Variants in POLRMT observed in about 807,000 individuals in gnomAD.
The protein encoded by POLRMT is RNA polymerase mitochondrial.
A neutral mutation model predicts 132.2 loss-of-function variants in POLRMT; 114 were observed. That is an observed-to-expected ratio of 0.86 (90% confidence interval 0.74 to 1.01). The LOEUF is 1.01. POLRMT is among the 50% of genes least tolerant of loss of function. The pLI is 0.00. For synonymous variants in POLRMT, 1,020 were observed against 773.4 expected (o/e 1.32, Z -5.29); for missense variants, 2,003 against 1,729.1 (o/e 1.16, Z -2.81).
chr19:618,072 C>T, intron 17 of POLRMT: 2 of 581,306 alleles, frequency 3.4e-6, no homozygotes, highest in Non-Finnish European at 3.1e-6. Context: ...CCCACCCCTG[C>T]CGCCCCCCAC....
chr19:627,710 A>G (rs1985124227), intron 3 of POLRMT, among the ~76,000 whole-genome samples: 1 of 151,012 alleles, frequency 6.6e-6, no homozygotes, highest in South Asian at 2.1e-4. Flanking sequence ...GGATTACCTG[A>G]GGTCAGGAGT....
intron 17 of POLRMT, chr19:618,159 A>G (rs11672829): frequency 0.53 from 290,210 of 550,354 alleles, 79,480 homozygotes; most frequent in South Asian, 0.74. Context: ...CATCCTGAGC[A>G]TTCCCAGCTC....
chr19:619,780 G>C lies in POLRMT; in HGVS notation c.2887-15C>G. 1.3e-6 allele frequency: 2 copies of C among 1,555,430 alleles called. No individual in the cohort carries two copies. The highest frequency in any genetic ancestry group is 1.7e-6 in the Non-Finnish European group (2 of 1,151,030). On this transcript the variant is annotated splice_polypyrimidine_tract_variant and intron_variant, in intron 12 of 20. Transcript: ENST00000588649. Reference sequence around the variant, plus strand: ...AACACCTCCACCTGCACGGCGGGTGGGCCGGGGGCGCGGGTCAGCCCCGCT... The same window carrying C: ...AACACCTCCACCTGCACGGCGGGTGCGCCGGGGGCGCGGGTCAGCCCCGCT...
Position 630,031 on chromosome 19 carries a change from C to A in POLRMT, c.331G>T (p.Ala111Ser), listed in dbSNP as rs772403143. 14 of 1,613,746 alleles carry A rather than the reference C, an allele frequency of 8.7e-6. No homozygotes were observed. The East Asian group carries it at 3.1e-4, about 36-fold the overall frequency. Residue 111 changes from alanine (A) to serine (S), a missense_variant, in exon 3 of 21, where the codon GCC becomes TCC. Physicochemically the swap from Ala to Ser is moderately conservative, Grantham distance 99. Transcript: ENST00000588649. ...CAGGGCACCGGGGTGGCATCCTTGG[C>A]CCCCATCTGGACCTTCCTGGGTGGC... ...LQPPRKVQMG[A>S]KDATPVPCGR...
At chr19:620,546 G>C (rs1009552178) in intron 10 of POLRMT, 59 bp from the exon 11 acceptor site, 2 of 1,472,062 alleles carry the variant, frequency 1.4e-6, no homozygotes, top group South Asian at 2.8e-5. Context: ...AGCCCGCTGG[G>C]AGGCTGTGTT....
chr19:629,664 C>G lies in POLRMT; in HGVS notation c.698G>C (p.Cys233Ser), dbSNP rs1236481761. The part of the protein sequence containing the change: ...QQRLLAFFKC[C>S]LLTDQLPLAH... Reference sequence around the variant, plus strand: ...GAGGGGCAGCTGGTCAGTGAGCAGGCAGCACTTGAAGAAGGCCAGGAGCCT... The same window carrying G: ...GAGGGGCAGCTGGTCAGTGAGCAGGGAGCACTTGAAGAAGGCCAGGAGCCT... The change falls in exon 3 of 21, where the codon TGC (cysteine) becomes TCC (serine). Residue 233 changes from cysteine to serine, a missense_variant. Cys to Ser is a moderately radical substitution (Grantham distance 112). Coordinates refer to ENST00000588649, the MANE Select transcript of POLRMT (RefSeq NM_005035.4). The G allele has an allele frequency of 1.9e-6, 3 of 1,610,254 alleles. No individual in the cohort carries two copies. The highest frequency in any genetic ancestry group is 1.7e-6 in the Non-Finnish European group (2 of 1,179,438).
intron 12 of POLRMT, 96 bp downstream of exon 12, chr19:619,862 C>T: frequency 6.3e-7 from 1 of 1,575,960 alleles, no homozygotes; most frequent in Non-Finnish European, 8.6e-7. Flanking sequence ...CCACCACATC[C>T]TCAGGACAGG....
intron 2 of POLRMT, among the ~76,000 whole-genome samples, chr19:631,030 G>A (rs1489112569): frequency 2.6e-5 from 4 of 151,796 alleles, no homozygotes; most frequent in African/African-American, 9.7e-5. Context: ...GTGGTGGCAT[G>A]TGTCTATAGT....
Position 622,588 on chromosome 19 carries a change from G to T in POLRMT, c.1620C>A (p.Asp540Glu). Residue 540 changes from aspartate to glutamate, a missense_variant, in exon 8 of 21, where the codon GAC becomes GAA. Transcript: ENST00000588649. Reference protein sequence around the residue: ...YRKYLCLLASDAEVPEPCLPR... With the variant: ...YRKYLCLLASEAEVPEPCLPR... ...GAGGGGGTGCGAGCCTCACCTCGGCGTCGGAGGCCAGCAAGCAGAGGTACT... is the reference window on the plus strand; with the variant it reads ...GAGGGGGTGCGAGCCTCACCTCGGCTTCGGAGGCCAGCAAGCAGAGGTACT... The T allele has an allele frequency of 6.2e-7, 1 of 1,600,472 alleles. No homozygotes were observed. Among genetic ancestry groups the T allele is most frequent in the Non-Finnish European group, 8.5e-7 (1 of 1,173,530 alleles).
rs761745656 is a variant in POLRMT at position 619,057 on chromosome 19, C to G, written c.3207G>C (p.Glu1069Asp). Residue 1069 changes from glutamate (E) to aspartate (D), a missense_variant, in exon 15 of 21, where the codon GAG becomes GAC. Transcript: ENST00000588649. ...RLISHMGSVV[E>D]WVTPLGVPVI... is the part of the protein sequence containing the mutation. The stretch of plus-strand genomic sequence containing the variant: ...CGGGGACGCCCAGGGGTGTGACCCA[C>G]TCCACCACAGAGCCCATGTGGGAGA... 1.9e-6 allele frequency: 3 copies of G among 1,608,860 alleles called. No homozygotes were observed. The highest frequency in any genetic ancestry group is 2.5e-6 in the Non-Finnish European group (3 of 1,178,200).
chr19:620,542 C>A, intron 10 of POLRMT, 55 bp from the exon 11 acceptor site: 1 of 1,473,088 alleles, frequency 6.8e-7, no homozygotes, highest in Non-Finnish European at 9.0e-7. Flanking sequence ...CCTGAGCCCG[C>A]TGGGAGGCTG....
chr19:628,388 G>A (rs1164837948), intron 3 of POLRMT, among the ~76,000 whole-genome samples: 1 of 152,212 alleles, frequency 6.6e-6, no homozygotes, highest in Non-Finnish European at 1.5e-5. Flanking sequence ...GCAGCAAGGA[G>A]GAACCAGGCA....
intron 3 of POLRMT, among the ~76,000 whole-genome samples, chr19:629,023 C>G (rs1985218778): frequency 6.6e-6 from 1 of 151,992 alleles, no homozygotes; most frequent in Admixed American, 6.6e-5. Context: ...AATAAACAAA[C>G]AAAAAGAAAA....
Position 623,500 on chromosome 19 carries a change from A to G in POLRMT, c.1244T>C (p.Val415Ala). The G allele has an allele frequency of 6.2e-7, 1 of 1,613,152 alleles. No homozygotes were observed. Among genetic ancestry groups the G allele is most frequent in the Non-Finnish European group, 8.5e-7 (1 of 1,180,006 alleles). ...TGGCAACGTGGGCTTCTCCACGGACACCACGCACACCCTGCTGGCCAGCTC... is the reference window on the plus strand; with the variant it reads ...TGGCAACGTGGGCTTCTCCACGGACGCCACGCACACCCTGCTGGCCAGCTC... ...HMELASRVCV[V>A]SVEKPTLPSK... The change falls in exon 6 of 21, where the codon GTG becomes GCG. Residue 415 changes from valine (V) to alanine (A), a missense_variant. Val to Ala is a moderately conservative substitution (Grantham distance 64, BLOSUM62 0). Transcript: ENST00000588649.
At chr19:628,201 T>TA (rs746574836) in intron 3 of POLRMT, among the ~76,000 whole-genome samples, 11 of 152,316 alleles carry the variant, frequency 7.2e-5, no homozygotes, top group Non-Finnish European at 1.5e-4. Context: ...GGGCTCGTGC[T>TA]AAGAGTGCGT....
intron 1 of POLRMT, 122 bp from the exon 2 acceptor site, chr19:633,060 C>T (rs980440897): frequency 2.2e-5 from 16 of 732,362 alleles, no homozygotes; most frequent in African/African-American, 1.3e-4. Flanking sequence ...TCTCGGAGCA[C>T]GGGCTTAAGT....
chr19:630,340 A>C (rs570282152), intron 2 of POLRMT, among the ~76,000 whole-genome samples, 172 bp from the exon 3 acceptor site: 1 of 151,908 alleles, frequency 6.6e-6, no homozygotes, highest in Admixed American at 6.6e-5. Context: ...GCTGCTTTCC[A>C]GACACACGCA....
intron 3 of POLRMT, among the ~76,000 whole-genome samples, chr19:628,590 A>C (rs1985187477): frequency 6.6e-6 from 1 of 152,046 alleles, no homozygotes; most frequent in Non-Finnish European, 1.5e-5. Context: ...ATATTAAGAG[A>C]AGCTTTTACT....
At position 622,638 on chromosome 19, in the gene POLRMT, G is replaced by A. The variant is rs1568169366; in HGVS notation, c.1570C>T (p.Gln524Ter). The A allele has an allele frequency of 1.2e-6, 2 of 1,607,424 alleles. No homozygotes were observed. The highest frequency in any genetic ancestry group is 1.7e-6 in the Non-Finnish European group (2 of 1,178,410). Residue 524 changes from glutamine (Q) to a stop codon, truncating the protein, a stop_gained, in exon 8 of 21, where the codon CAG (glutamine) becomes TAG (stop). Coordinates refer to ENST00000588649, the MANE Select transcript of POLRMT (RefSeq NM_005035.4). LOFTEE classifies it high-confidence loss of function. ...VQRQRVSGQV[Q>*]ALQNHYRKYL... Reference sequence around the variant, plus strand: ...TTCCTGTAGTGGTTCTGCAGCGCCTGCACCTGGCCACTGACCCGCTGCCTC... The same window carrying A: ...TTCCTGTAGTGGTTCTGCAGCGCCTACACCTGGCCACTGACCCGCTGCCTC...
Sources: allele counts gnomAD v4.1 joint callset (sites outside exome capture counted in the v4.1 genomes callset), GRCh38; gene constraint gnomAD v4.1.1; transcripts MANE v1.5; gene names NCBI Gene and HGNC (gene_info 2026-07-23, HGNC 2026-07-21).